Variants in PCDHB2 observed in about 807,000 individuals in gnomAD.
PCDHB2 encodes the protein protocadherin beta 2.
For missense variants in PCDHB2, 914 were observed against 1,023.1 expected, an observed-to-expected ratio of 0.89 and a Z score of 1.45; for synonymous variants, 395 against 464.9, an observed-to-expected ratio of 0.85 and a Z score of 1.93.
chr5:141,096,462 G>A lies in PCDHB2; in HGVS notation c.1672G>A (p.Asp558Asn). 1 of 1,611,088 alleles carries A rather than the reference G, an allele frequency of 6.2e-7. No individual in the cohort carries two copies. The highest frequency in any genetic ancestry group is 1.1e-5 in the South Asian group (1 of 90,900). ...GCGCGTGCTGGTGCTGGACGCCAAC[G>A]ACAACTCGCCCTTCGTGCTGTACCC... Reference protein sequence around the residue: ...LVRVLVLDANDNSPFVLYPLQ... With the variant: ...LVRVLVLDANNNSPFVLYPLQ... The change falls in exon 1 of 1, where the codon GAC (aspartate) becomes AAC (asparagine). Residue 558 changes from aspartate to asparagine, a missense_variant. Coordinates refer to ENST00000194155, the MANE Select transcript of PCDHB2 (RefSeq NM_018936.4).
Position 141,097,153 on chromosome 5 carries a change from A to G in PCDHB2, c.2363A>G (p.Asn788Ser). Residue 788 changes from asparagine (N) to serine (S), a missense_variant, in exon 1 of 1, where the codon AAT becomes AGT. By Grantham distance (46) the Asn-to-Ser change is conservative. Transcript: ENST00000194155. ...AQGAERVSEANPSFRKSFEFT is the reference protein window; with the variant it reads ...AQGAERVSEASPSFRKSFEFT ...GGTGCAGAGAGGGTTAGCGAGGCAA[A>G]TCCCAGTTTCAGGAAGAGCTTTGAA... 1 of 1,606,072 alleles carries G rather than the reference A, an allele frequency of 6.2e-7. No individual in the cohort carries two copies. Among genetic ancestry groups the G allele is most frequent in the South Asian group, 1.1e-5 (1 of 89,750 alleles).
In PCDHB2 at chr5:141,097,117, T is replaced by G; in HGVS notation, c.2327T>G (p.Phe776Cys). The G allele has an allele frequency of 6.2e-7, 1 of 1,606,328 alleles. No individual in the cohort carries two copies. The highest frequency in any genetic ancestry group is 2.2e-5 in the East Asian group (1 of 44,866). ...FKFLKPIIPN[F>C]VAQGAERVSE... ...TTCCTGAAGCCAATTATCCCCAACT[T>G]CGTTGCTCAGGGTGCAGAGAGGGTT... is the stretch of plus-strand genomic sequence containing the variant. The change falls in exon 1 of 1, where the codon TTC becomes TGC. Residue 776 changes from phenylalanine to cysteine, a missense_variant. Physicochemically the swap from Phe to Cys is radical, Grantham distance 205. Coordinates refer to ENST00000194155, the MANE Select transcript of PCDHB2 (RefSeq NM_018936.4).
Position 141,098,534 on chromosome 5 carries a change from T to C in PCDHB2, c.*1347T>C, listed in dbSNP as rs1751877642. On this transcript the variant is annotated 3_prime_UTR_variant, in exon 1 of 1. Coordinates refer to ENST00000194155, the MANE Select transcript of PCDHB2 (RefSeq NM_018936.4). ...CCCTAGACTTTTCAATGCTTTTTTA[T>C]AAAGGTGCTTGAGTTCTGTTTCTCA... 6.6e-6 allele frequency: 1 copy of C among 152,222 alleles called. No individual in the cohort carries two copies. Among genetic ancestry groups the C allele is most frequent in the Non-Finnish European group, 1.5e-5 (1 of 68,036 alleles). 9.4% of individuals were successfully genotyped at this position (152,222 alleles called of 1,614,324 possible).
In PCDHB2 at chr5:141,094,708, C is replaced by G; in HGVS notation, c.-83C>G. 1 of 1,161,668 alleles carries G rather than the reference C, an allele frequency of 8.6e-7. No homozygotes were observed. 72.0% of individuals were successfully genotyped at this position (1,161,668 alleles called of 1,614,324 possible). A position where few individuals can be genotyped will look rare whatever the true frequency, so the allele number is the denominator to read the frequency against. ...GGGCCCTAGGATTGTCCACTCATCC[C>G]AGTATCAGCGAGATACGGGGAGATA... On this transcript the variant is annotated 5_prime_UTR_variant, in exon 1 of 1. Transcript: ENST00000194155.
At position 141,096,177 on chromosome 5, in the gene PCDHB2, C is replaced by T. The variant is rs782682660; in HGVS notation, c.1387C>T (p.Arg463Cys). The T allele has an allele frequency of 1.9e-6, 3 of 1,613,250 alleles. No individual in the cohort carries two copies. The highest frequency in any genetic ancestry group is 2.5e-6 in the Non-Finnish European group (3 of 1,180,024). Reference sequence around the variant, plus strand: ...CCAAACCTCCTACACCCTGTTCGTCCGCGAGAACAACAGCCCCGCCCTGCA... The same window carrying T: ...CCAAACCTCCTACACCCTGTTCGTCTGCGAGAACAACAGCCCCGCCCTGCA... ...FTQTSYTLFV[R>C]ENNSPALHIG... is the part of the protein sequence containing the mutation. Residue 463 changes from arginine to cysteine, a missense_variant, in exon 1 of 1, where the codon CGC becomes TGC. Arg to Cys is a radical substitution (Grantham distance 180). Coordinates refer to ENST00000194155, the MANE Select transcript of PCDHB2 (RefSeq NM_018936.4).
Position 141,095,262 on chromosome 5 carries a change from C to T in PCDHB2, c.472C>T (p.Arg158Cys), listed in dbSNP as rs782344713. The T allele has an allele frequency of 3.1e-6, 5 of 1,613,958 alleles. No homozygotes were observed. Among genetic ancestry groups the T allele is most frequent in the Middle Eastern group, 1.7e-4 (1 of 6,060 alleles). ...TCCTGGAACTACTTTCTTAATAGAACGTGCCCAGGACTTGGATGTAGGAAC... is the reference window on the plus strand; with the variant it reads ...TCCTGGAACTACTTTCTTAATAGAATGTGCCCAGGACTTGGATGTAGGAAC... The part of the protein sequence containing the change: ...ITPGTTFLIE[R>C]AQDLDVGTNS... The change falls in exon 1 of 1, where the codon CGT becomes TGT. Residue 158 changes from arginine to cysteine, a missense_variant. Coordinates refer to ENST00000194155, the MANE Select transcript of PCDHB2 (RefSeq NM_018936.4).
Position 141,095,365 on chromosome 5 carries a change from T to C in PCDHB2, c.575T>C (p.Ile192Thr), listed in dbSNP as rs782167183. ...LNLQDSLDGI[I>T]LPQLVLNRAL... ...TTACAAGACAGTCTCGATGGCATAATATTACCACAGCTGGTGCTGAACAGA... is the reference window on the plus strand; with the variant it reads ...TTACAAGACAGTCTCGATGGCATAACATTACCACAGCTGGTGCTGAACAGA... Residue 192 changes from isoleucine (I) to threonine (T), a missense_variant, in exon 1 of 1, where the codon ATA becomes ACA. Transcript: ENST00000194155. The C allele has an allele frequency of 1.2e-6, 2 of 1,613,868 alleles. No homozygotes were observed. The highest frequency in any genetic ancestry group is 1.7e-5 in the Admixed American group (1 of 59,988).
Position 141,096,344 on chromosome 5 carries a change from C to G in PCDHB2, c.1554C>G (p.Leu518=), listed in dbSNP as rs1340437391. 2 of 1,613,164 alleles carry G rather than the reference C, an allele frequency of 1.2e-6. No individual in the cohort carries two copies. Among genetic ancestry groups the G allele is most frequent in the Admixed American group, 1.7e-5 (1 of 60,008 alleles). Residue 518 remains leucine (L), a synonymous_variant, in exon 1 of 1, where the codon CTC becomes CTG. Coordinates refer to ENST00000194155, the MANE Select transcript of PCDHB2 (RefSeq NM_018936.4). ...CGGACAACGGCCACCTGTTCGCTCT[C>G]CAGTCGCTGGACTACGAGGCCCTGC... is the stretch of plus-strand genomic sequence containing the variant. The part of the protein sequence containing the change: ...INADNGHLFA[L]QSLDYEALQA...
chr5:141,096,689 G>C lies in PCDHB2; in HGVS notation c.1899G>C (p.Arg633Ser), dbSNP rs4080145. ...AGGTGCGCACCGCCAGGCTGCTGAGGGAGCGCGACGCTGCCAAGCAGAGGC... is the reference window on the plus strand; with the variant it reads ...AGGTGCGCACCGCCAGGCTGCTGAGCGAGCGCGACGCTGCCAAGCAGAGGC... The part of the protein sequence containing the change: ...NGEVRTARLL[R>S]ERDAAKQRLV... The change falls in exon 1 of 1, where the codon AGG (arginine) becomes AGC (serine). Residue 633 changes from arginine (R) to serine (S), a missense_variant. Physicochemically the swap from Arg to Ser is moderately radical, Grantham distance 110 (BLOSUM62 -1). Transcript: ENST00000194155. 3.0e-4 allele frequency: 478 copies of C among 1,610,140 alleles called. No homozygotes were observed. In the African/African-American group the frequency reaches 3.3e-3, roughly 11 times the overall value.
At position 141,095,319 on chromosome 5, in the gene PCDHB2, A is replaced by G; in HGVS notation, c.529A>G (p.Asn177Asp). 6.2e-6 allele frequency: 10 copies of G among 1,614,024 alleles called. No homozygotes were observed. The highest frequency in any genetic ancestry group is 7.6e-6 in the Non-Finnish European group (9 of 1,179,940). Residue 177 changes from asparagine to aspartate, a missense_variant, in exon 1 of 1, where the codon AAT becomes GAT. Physicochemically the swap from Asn to Asp is conservative, Grantham distance 23 (BLOSUM62 1). Coordinates refer to ENST00000194155, the MANE Select transcript of PCDHB2 (RefSeq NM_018936.4). ...TCTCCAAAATTACACAATCAGTCCC[A>G]ATTTCCACTTTCATCTTAATTTACA... The part of the protein sequence containing the change: ...NSLQNYTISP[N>D]FHFHLNLQDS...
At position 141,094,733 on chromosome 5, in the gene PCDHB2, A is replaced by G. The variant is rs1273261124; in HGVS notation, c.-58A>G. 2 of 1,341,064 alleles carry G rather than the reference A, an allele frequency of 1.5e-6. No homozygotes were observed. The highest frequency in any genetic ancestry group is 2.3e-5 in the Admixed American group (1 of 44,166). The allele number at this position is 1,341,064 out of a possible 1,614,324, so 83.1% of individuals were successfully genotyped here. On this transcript the variant is annotated 5_prime_UTR_variant, in exon 1 of 1. In the 5' UTR this introduces an upstream ATG that the reference lacks. Coordinates refer to ENST00000194155, the MANE Select transcript of PCDHB2 (RefSeq NM_018936.4). ...CAGTATCAGCGAGATACGGGGAGAT[A>G]GAGTTAGCGACAACGTGAGCCAGAG...
chr5:141,096,754 C>T lies in PCDHB2; in HGVS notation c.1964C>T (p.Ser655Leu), dbSNP rs781921096. Residue 655 changes from serine to leucine, a missense_variant, in exon 1 of 1, where the codon TCG becomes TTG. By Grantham distance (145) the Ser-to-Leu change is moderately radical (BLOSUM62 -2). Coordinates refer to ENST00000194155, the MANE Select transcript of PCDHB2 (RefSeq NM_018936.4). ...AAGGACAATGGCGAGCCTCCGCGCT[C>T]GGCCACCGCCACGCTGCACGTGCTC... ...LVKDNGEPPRSATATLHVLLV... is the reference protein window; with the variant it reads ...LVKDNGEPPRLATATLHVLLV... 11 of 1,609,696 alleles carry T rather than the reference C, an allele frequency of 6.8e-6. No individual in the cohort carries two copies. The Admixed American group carries it at 1.2e-4, about 17-fold the overall frequency.
At position 141,096,909 on chromosome 5, in the gene PCDHB2, G is replaced by A; in HGVS notation, c.2119G>A (p.Val707Met). ...GGTGTCTTCGCTCTTCCTCTTCTCGGTGCTCCTGTTCGTGGCGGTGCGGCT... is the reference window on the plus strand; with the variant it reads ...GGTGTCTTCGCTCTTCCTCTTCTCGATGCTCCTGTTCGTGGCGGTGCGGCT... Reference protein sequence around the residue: ...ASVSSLFLFSVLLFVAVRLCR... With the variant: ...ASVSSLFLFSMLLFVAVRLCR... Residue 707 changes from valine (V) to methionine (M), a missense_variant, in exon 1 of 1, where the codon GTG becomes ATG. Coordinates refer to ENST00000194155, the MANE Select transcript of PCDHB2 (RefSeq NM_018936.4). The A allele has an allele frequency of 3.1e-6, 5 of 1,612,378 alleles. No homozygotes were observed. Among genetic ancestry groups the A allele is most frequent in the Non-Finnish European group, 4.2e-6 (5 of 1,179,866 alleles).
rs1181182073 is a variant in PCDHB2, at chr5:141,098,219, GTTTT to G, written c.*1036_*1039del. ...TTCATCATGCTTTCTCTTTCAAATA[GTTTT>G]TTTAAGAGCCCTCTGCTTATTCCAG... On this transcript the variant is annotated 3_prime_UTR_variant, in exon 1 of 1. Coordinates refer to ENST00000194155, the MANE Select transcript of PCDHB2 (RefSeq NM_018936.4). 6 of 152,052 alleles carry G rather than the reference GTTTT, an allele frequency of 3.9e-5. No individual in the cohort carries two copies. Among genetic ancestry groups the G allele is most frequent in the African/African-American group, 1.4e-4 (6 of 41,402 alleles). 9.4% of individuals were successfully genotyped at this position (152,052 alleles called of 1,614,324 possible). A position where few individuals can be genotyped will look rare whatever the true frequency, so the allele number is the denominator to read the frequency against.
Position 141,094,623 on chromosome 5 carries a change from A to C in PCDHB2, c.-168A>C. The C allele has an allele frequency of 9.6e-6, 5 of 521,336 alleles. No homozygotes were observed. The highest frequency in any genetic ancestry group is 4.0e-5 in the South Asian group (1 of 25,306). The allele number at this position is 521,336 out of a possible 1,614,324, so 32.3% of individuals were successfully genotyped here. A position where few individuals can be genotyped will look rare whatever the true frequency, so the allele number is the denominator to read the frequency against. On this transcript the variant is annotated 5_prime_UTR_variant, in exon 1 of 1. Coordinates refer to ENST00000194155, the MANE Select transcript of PCDHB2 (RefSeq NM_018936.4). ...CCGACGCTCCCTTACCCAGATACTC[A>C]GCTAAAGAAGCAGCAAGCAGGAAGA...
chr5:141,098,456 CCACT>C lies in PCDHB2; in HGVS notation c.*1275_*1278del, dbSNP rs1430824680. The C allele has an allele frequency of 6.6e-6, 1 of 152,150 alleles. No individual in the cohort carries two copies. Among genetic ancestry groups the C allele is most frequent in the Non-Finnish European group, 1.5e-5 (1 of 68,042 alleles). 9.4% of individuals were successfully genotyped at this position (152,150 alleles called of 1,614,324 possible). ...TTTAGGGAGAAAAATTTATCTAGCA[CCACT>C]CACTCTATTTTTTTGCACTGACTAC... On this transcript the variant is annotated 3_prime_UTR_variant, in exon 1 of 1. Transcript: ENST00000194155.
rs782560976 is a variant in PCDHB2, at chr5:141,095,650, C to G, written c.860C>G (p.Ser287Cys). 3 of 1,614,228 alleles carry G rather than the reference C, an allele frequency of 1.9e-6. No homozygotes were observed. The highest frequency in any genetic ancestry group is 2.2e-5 in the South Asian group (2 of 91,086). ...ATATCTTATGCATTTTCCCAAGCAT[C>G]TGAAGACATTCGCAAAACGTTTCGA... ...GEISYAFSQASEDIRKTFRLS... is the reference protein window; with the variant it reads ...GEISYAFSQACEDIRKTFRLS... The change falls in exon 1 of 1, where the codon TCT becomes TGT. Residue 287 changes from serine to cysteine, a missense_variant. Transcript: ENST00000194155.
At position 141,094,816 on chromosome 5, in the gene PCDHB2, G is replaced by T. The variant is rs146202039; in HGVS notation, c.26G>T (p.Arg9Leu). MEAGEGKE[R>L]VPKQRQVLIF... ...ATGGAGGCCGGAGAGGGGAAGGAGC[G>T]CGTTCCGAAACAAAGGCAAGTCCTG... The change falls in exon 1 of 1, where the codon CGC (arginine) becomes CTC (leucine). Residue 9 changes from arginine to leucine, a missense_variant. Coordinates refer to ENST00000194155, the MANE Select transcript of PCDHB2 (RefSeq NM_018936.4). The T allele has an allele frequency of 6.4e-7, 1 of 1,574,102 alleles. No individual in the cohort carries two copies. Among genetic ancestry groups the T allele is most frequent in the Non-Finnish European group, 8.6e-7 (1 of 1,161,148 alleles).
At position 141,094,991 on chromosome 5, in the gene PCDHB2, G is replaced by A; in HGVS notation, c.201G>A (p.Arg67=). ...GAGAACTTGCTGTGAGGGGGGCCAG[G>A]GTCGTTTCCAAAGGAAAAAAAATGC... ...EIGELAVRGA[R]VVSKGKKMHL... The change falls in exon 1 of 1, where the codon AGG becomes AGA. Residue 67 remains arginine, a synonymous_variant. Transcript: ENST00000194155. 6.2e-7 allele frequency: 1 copy of A among 1,613,160 alleles called. No homozygotes were observed. The highest frequency in any genetic ancestry group is 1.1e-5 in the South Asian group (1 of 90,950).
Sources: allele counts gnomAD v4.1 joint callset, GRCh38; gene constraint gnomAD v4.1.1; transcripts MANE v1.5; gene names NCBI Gene and HGNC (gene_info 2026-07-23, HGNC 2026-07-21).